ANKRD36: variants seen among roughly 807,000 people sequenced by gnomAD.
ANKRD36 encodes ankyrin repeat domain 36, also known as ankyrin repeat domain-containing protein 36A.
ANKRD36 carries 179 observed loss-of-function variants against 278.1 expected under a neutral mutation model. The ratio of observed to expected loss-of-function variants is 0.64; its 90% confidence interval spans 0.57 to 0.73. ANKRD36 has a LOEUF of 0.73. ANKRD36 is among the 30% of genes least tolerant of loss of function. The pLI is 0.00. For missense variants in ANKRD36, 1,159 were observed against 1,956.7 expected, an observed-to-expected ratio of 0.59 and a Z score of 7.69; for synonymous variants, 320 against 641.1, an observed-to-expected ratio of 0.50 and a Z score of 7.57.
chr2:97,165,213 G>A (rs1172468506), intron 20 of ANKRD36, among the ~76,000 whole-genome samples: 2 of 152,110 alleles, frequency 1.3e-5, no homozygotes, highest in Non-Finnish European at 2.9e-5. Context: ...TCTTCTATAC[G>A]ATTTCACACA....
intron 32 of ANKRD36, among the ~76,000 whole-genome samples, chr2:97,188,785 T>C (rs1575543152): frequency 2.0e-5 from 2 of 99,068 alleles, no homozygotes; most frequent in East Asian, 4.3e-4. Context: ...CCTCTGATTT[T>C]AGATCACTTT....
intron 66 of ANKRD36, among the ~76,000 whole-genome samples, chr2:97,222,956 G>A (rs1403497126): frequency 3.3e-5 from 5 of 152,048 alleles, no homozygotes; most frequent in Admixed American, 6.6e-5. Context: ...AAAAGTTATA[G>A]CATTCATTCT....
chr2:97,194,008 G>A (rs1299955340), intron 38 of ANKRD36, among the ~76,000 whole-genome samples: 2 of 151,624 alleles, frequency 1.3e-5, no homozygotes, highest in Non-Finnish European at 2.9e-5. Flanking sequence ...CTTTGTAGAA[G>A]TATGTCAAAT....
chr2:97,232,894 A>G (rs2072646918), intron 67 of ANKRD36, among the ~76,000 whole-genome samples: 1 of 152,100 alleles, frequency 6.6e-6, no homozygotes, highest in Admixed American at 6.5e-5. Flanking sequence ...AAATGACAAA[A>G]AAACAAAACA....
At chr2:97,180,038 T>G in intron 24 of ANKRD36, 105 bp downstream of exon 24, 1 of 1,530,244 alleles carries the variant, frequency 6.5e-7, no homozygotes, top group East Asian at 2.3e-5. Context: ...CACGTTCTGA[T>G]TCAGTACACC....
intron 6 of ANKRD36, among the ~76,000 whole-genome samples, chr2:97,134,920 T>C (rs2041099135): frequency 6.6e-6 from 1 of 152,032 alleles, no homozygotes; most frequent in East Asian, 1.9e-4. Context: ...TTGAAGGAGC[T>C]AAAAAAGAAA....
intron 66 of ANKRD36, among the ~76,000 whole-genome samples, chr2:97,219,453 T>TTTTTG (rs998196565): frequency 3.9e-5 from 6 of 152,212 alleles, no homozygotes; most frequent in Non-Finnish European, 5.9e-5. Context: ...ACATAAGGTT[T>TTTTTG]TTTTGTTTTG....
chr2:97,155,398 A>G (rs2047207397), intron 15 of ANKRD36, among the ~76,000 whole-genome samples: 1 of 145,502 alleles, frequency 6.9e-6, no homozygotes, highest in African/African-American at 2.4e-5. Flanking sequence ...TCTTAATCCC[A>G]GGAGTTTAAG....
intron 66 of ANKRD36, among the ~76,000 whole-genome samples, chr2:97,222,066 T>A (rs1278437857): frequency 1.3e-5 from 2 of 151,916 alleles, no homozygotes; most frequent in African/African-American, 4.8e-5. Context: ...TTTTCTCAGG[T>A]TTGTCAAAGA....
chr2:97,199,735 A>G (rs1175283294), intron 44 of ANKRD36, among the ~76,000 whole-genome samples: 3 of 151,918 alleles, frequency 2.0e-5, no homozygotes, highest in Non-Finnish European at 2.9e-5. Context: ...ACTCAGGCAA[A>G]TTATTACACT....
In ANKRD36 at chr2:97,193,003, C is replaced by T. The variant is rs1263307669; in HGVS notation, c.2399C>T (p.Ser800Phe). Residue 800 changes from serine (S) to phenylalanine (F), a missense_variant, in exon 38 of 76, where the codon TCT (serine) becomes TTT (phenylalanine). Physicochemically the swap from Ser to Phe is radical, Grantham distance 155. Coordinates refer to ENST00000420699, the MANE Select transcript of ANKRD36 (RefSeq NM_001354587.1). ...CAGGCTACAAGTGACGAGGAAGGTT[C>T]TGTTTTGAGTATAGCCAGAGAAAAC... Reference protein sequence around the residue: ...ALTATSDEEGSVLSIARENKD... With the variant: ...ALTATSDEEGFVLSIARENKD... The T allele has an allele frequency of 1.3e-6, 2 of 1,578,420 alleles. No homozygotes were observed. The highest frequency in any genetic ancestry group is 3.6e-5 in the Admixed American group (2 of 55,010).
At chr2:97,228,822 T>C (rs1256103316) in intron 67 of ANKRD36, among the ~76,000 whole-genome samples, 1 of 151,852 alleles carries the variant, frequency 6.6e-6, no homozygotes, top group Non-Finnish European at 1.5e-5. Context: ...GTCCCAGAGA[T>C]TCTGGTATGT....
chr2:97,201,703 G>A lies in ANKRD36; in HGVS notation c.2858-499G>A, dbSNP rs1474389711. Among the ~76,000 whole-genome samples the A allele has an allele frequency of 3.9e-5, 6 of 151,922 alleles. 1 individual carries two copies. Among genetic ancestry groups the A allele is most frequent in the African/African-American group, 1.4e-4 (6 of 41,418 alleles). On this transcript the variant is annotated intron_variant, in intron 46 of 75. Coordinates refer to ENST00000420699, the MANE Select transcript of ANKRD36 (RefSeq NM_001354587.1). ...CAATGTAGGACACTTCCACGGAAGA[G>A]ATGTGAAGTATAAGTTCAACTGAAG...
chr2:97,193,073 T>C lies in ANKRD36; in HGVS notation c.2449+20T>C. ...GGACAGGTAATTTTGAAAAGAGATT[T>C]AATGTCATGTTCAGTGCAGATAGAT... On this transcript the variant is annotated intron_variant, in intron 38 of 75. Transcript: ENST00000420699. The C allele has an allele frequency of 6.6e-7, 1 of 1,524,784 alleles. No individual in the cohort carries two copies. The highest frequency in any genetic ancestry group is 8.9e-7 in the Non-Finnish European group (1 of 1,129,386). 94.5% of individuals were successfully genotyped at this position (1,524,784 alleles called of 1,614,324 possible). A position where few individuals can be genotyped will look rare whatever the true frequency, so the allele number is the denominator to read the frequency against.
At chr2:97,181,368 T>A (rs921806253) in intron 24 of ANKRD36, among the ~76,000 whole-genome samples, 1 of 151,494 alleles carries the variant, frequency 6.6e-6, no homozygotes, top group African/African-American at 2.4e-5. Flanking sequence ...TTTAGATGTA[T>A]CACGAATCAT....
intron 50 of ANKRD36, 41 bp downstream of exon 50, chr2:97,204,304 T>C: frequency 6.6e-7 from 1 of 1,526,350 alleles, no homozygotes. Context: ...TCAGTGCAGA[T>C]AGATAAGAAG....
At chr2:97,132,346 T>C (rs898374259) in intron 6 of ANKRD36, among the ~76,000 whole-genome samples, 12 of 151,908 alleles carry the variant, frequency 7.9e-5, no homozygotes, top group African/African-American at 2.4e-4. Flanking sequence ...GACAATTGGC[T>C]GTGATCTTTT....
chr2:97,227,724 G>A (rs2070368443), intron 67 of ANKRD36, among the ~76,000 whole-genome samples: 1 of 152,114 alleles, frequency 6.6e-6, no homozygotes, highest in Non-Finnish European at 1.5e-5. Context: ...AGTTTTCAAA[G>A]GGAATGCTTC....
intron 20 of ANKRD36, among the ~76,000 whole-genome samples, chr2:97,166,827 CTG>C (rs1434681251): frequency 1.3e-5 from 2 of 150,780 alleles, no homozygotes; most frequent in East Asian, 1.9e-4. Flanking sequence ...GTCAAACTGA[CTG>C]TGGAAGCAAA....
Sources: allele counts gnomAD v4.1 joint callset (sites outside exome capture counted in the v4.1 genomes callset), GRCh38; gene constraint gnomAD v4.1.1; transcripts MANE v1.5; gene names NCBI Gene and HGNC (gene_info 2026-07-23, HGNC 2026-07-21).